NCKAP5: variants seen among roughly 807,000 people sequenced by gnomAD.
NCKAP5 encodes NCK associated protein 5, also known as nck-associated protein 5.
In NCKAP5, 92 loss-of-function variants were observed where a neutral mutation model predicts 167.0. The observed-to-expected ratio is 0.55, with a 90% CI of 0.47 to 0.66. The LOEUF (loss-of-function observed/expected upper bound fraction) is 0.66, where lower values mean the gene tolerates loss of function less well. NCKAP5 is among the 30% of genes least tolerant of loss of function. NCKAP5 has a pLI of 0.00. For missense variants in NCKAP5, 2,378 were observed against 2,315.0 expected (o/e 1.03, Z -0.56); for synonymous variants, 891 against 877.4 (o/e 1.02, Z -0.27).
At chr2:132,832,909 ATAGCTTTATGG>A (rs750525771) in intron 11 of NCKAP5, among the ~76,000 whole-genome samples, 3 of 152,032 alleles carry the variant, frequency 2.0e-5, no homozygotes, top group Non-Finnish European at 4.4e-5. Context: ...GGATCAAATG[ATAGCTTTATGG>A]TAGCTTTATT....
At position 132,744,186 on chromosome 2, in the gene NCKAP5, T is replaced by C. The variant is rs528897631; in HGVS notation, c.5129-12135A>G. ...CAATATAATTTAAAACTTTGACCAA[T>C]GTGAATTGTGCAGCACACTCTACCC... On this transcript the variant is annotated intron_variant, in intron 16 of 19. Coordinates refer to ENST00000409261, the MANE Select transcript of NCKAP5 (RefSeq NM_207363.3). Among the ~76,000 whole-genome samples, 3 of 151,852 alleles carry C rather than the reference T, an allele frequency of 2.0e-5. No individual in the cohort carries two copies. The Middle Eastern group carries it at 0.01, about 517-fold the overall frequency.
chr2:133,186,861 G>T (rs1428240937), intron 5 of NCKAP5, among the ~76,000 whole-genome samples: 1 of 151,964 alleles, frequency 6.6e-6, no homozygotes, highest in African/African-American at 2.4e-5. Context: ...TGTTAACCTA[G>T]CTAGCAGTCT....
intron 2 of NCKAP5, among the ~76,000 whole-genome samples, chr2:133,527,825 G>A (rs760526548): frequency 6.6e-6 from 1 of 152,120 alleles, no homozygotes; most frequent in Admixed American, 6.6e-5. Flanking sequence ...AGCACTTTGG[G>A]AGGTCAAGGT....
At chr2:133,218,706 G>C (rs2086533787) in intron 4 of NCKAP5, among the ~76,000 whole-genome samples, 1 of 152,144 alleles carries the variant, frequency 6.6e-6, no homozygotes, top group African/African-American at 2.4e-5. Flanking sequence ...TAACATAAAA[G>C]AGACATTTCC....
chr2:133,511,041 A>C (rs1683444651), intron 3 of NCKAP5, among the ~76,000 whole-genome samples: 1 of 152,168 alleles, frequency 6.6e-6, no homozygotes, highest in African/African-American at 2.4e-5. Flanking sequence ...CCTGGTTGAG[A>C]CTTAATGCAT....
At chr2:132,866,575 C>A (rs978263364) in intron 10 of NCKAP5, among the ~76,000 whole-genome samples, 3 of 152,002 alleles carry the variant, frequency 2.0e-5, no homozygotes, top group East Asian at 3.9e-4. Context: ...TTTTTTCTAT[C>A]AGTATCAGTA....
chr2:133,513,384 C>A (rs1369629782), intron 3 of NCKAP5, among the ~76,000 whole-genome samples: 2 of 152,178 alleles, frequency 1.3e-5, no homozygotes, highest in African/African-American at 4.8e-5. Context: ...CCTCTGATCT[C>A]CTGCTAGGAG....
chr2:133,654,637 G>A, the NCKAP5 span, among the ~76,000 whole-genome samples: 1 of 152,062 alleles, frequency 6.6e-6, no homozygotes, highest in African/African-American at 2.4e-5. Flanking sequence ...AAGTTTTTGG[G>A]GAAAATGACT....
intron 6 of NCKAP5, among the ~76,000 whole-genome samples, chr2:133,017,117 A>G (rs531899925): frequency 6.6e-6 from 1 of 152,184 alleles, no homozygotes; most frequent in Non-Finnish European, 1.5e-5. Flanking sequence ...TGTCTGCAGA[A>G]TTTTTATTAA....
the NCKAP5 span, among the ~76,000 whole-genome samples, chr2:133,600,959 G>A: frequency 6.6e-6 from 1 of 152,230 alleles, no homozygotes; most frequent in South Asian, 2.1e-4. Flanking sequence ...TGAGACATAG[G>A]CATCTTGTGT....
At chr2:133,085,408 T>A (rs1403771583) in intron 6 of NCKAP5, among the ~76,000 whole-genome samples, 1 of 152,184 alleles carries the variant, frequency 6.6e-6, no homozygotes, top group Non-Finnish European at 1.5e-5. Flanking sequence ...AGTATGGCAA[T>A]TTTTTAAACA....
At chr2:132,815,095 C>T (rs1000540246) in intron 11 of NCKAP5, among the ~76,000 whole-genome samples, 2 of 152,238 alleles carry the variant, frequency 1.3e-5, no homozygotes, top group South Asian at 2.1e-4. Context: ...AAAATTATTC[C>T]GTCTTCTCAA....
At chr2:132,707,378 C>T (rs953658691) in intron 19 of NCKAP5, among the ~76,000 whole-genome samples, 1 of 152,240 alleles carries the variant, frequency 6.6e-6, no homozygotes, top group East Asian at 1.9e-4. Flanking sequence ...TTCCTGCAAG[C>T]CTTGTGGGCT....
intron 6 of NCKAP5, among the ~76,000 whole-genome samples, chr2:133,053,602 T>C (rs1275457175): frequency 6.6e-6 from 1 of 152,248 alleles, no homozygotes; most frequent in African/African-American, 2.4e-5. Context: ...TACTGTGCCA[T>C]GCATGGCCAT....
chr2:133,168,121 G>A (rs1019719541), intron 5 of NCKAP5, among the ~76,000 whole-genome samples: 2 of 152,060 alleles, frequency 1.3e-5, no homozygotes, highest in African/African-American at 4.8e-5. Context: ...CAGGCCTGAA[G>A]AGGTCAAGGA....
chr2:133,499,431 C>T (rs1355111747), intron 3 of NCKAP5, among the ~76,000 whole-genome samples: 1 of 152,160 alleles, frequency 6.6e-6, no homozygotes, highest in Non-Finnish European at 1.5e-5. Flanking sequence ...TTTCAAAAGG[C>T]CATGCAAAAA....
chr2:132,976,496 G>A (rs1245531943), intron 7 of NCKAP5, among the ~76,000 whole-genome samples: 3 of 150,990 alleles, frequency 2.0e-5, no homozygotes, highest in African/African-American at 4.9e-5. Context: ...CCTGGGAGTC[G>A]GAGGTTGCAG....
the NCKAP5 span, among the ~76,000 whole-genome samples, chr2:133,604,607 C>T: frequency 2.6e-5 from 4 of 152,102 alleles, no homozygotes; most frequent in African/African-American, 7.2e-5. Context: ...GAACAGACTA[C>T]AGCAGCTAAG....
At chr2:133,419,704 G>A (rs1689349995) in intron 3 of NCKAP5, among the ~76,000 whole-genome samples, 1 of 152,070 alleles carries the variant, frequency 6.6e-6, no homozygotes, top group Admixed American at 6.6e-5. Context: ...TGATTTTCCT[G>A]GGCTATTTAC....
Sources: allele counts gnomAD v4.1 joint callset (sites outside exome capture counted in the v4.1 genomes callset), GRCh38; gene constraint gnomAD v4.1.1; transcripts MANE v1.5; gene names NCBI Gene and HGNC (gene_info 2026-07-23, HGNC 2026-07-21).